Variants in CHCHD6 observed in about 807,000 individuals in gnomAD.
CHCHD6 encodes coiled-coil-helix-coiled-coil-helix domain containing 6, also known as MICOS complex subunit MIC25.
Under a neutral mutation model 32.3 loss-of-function variants are expected in CHCHD6, and 28 were observed. The ratio of observed to expected loss-of-function variants is 0.87; its 90% CI spans 0.64 to 1.19. The LOEUF (loss-of-function observed/expected upper bound fraction) is 1.19. Among genes scored for constraint, CHCHD6 ranks in the 50% most tolerant of loss-of-function variants. The pLI is 0.00. For synonymous variants in CHCHD6, 122 were observed against 117.5 expected, an observed-to-expected ratio of 1.04 and a Z score of -0.25; for missense variants, 333 against 307.0, an observed-to-expected ratio of 1.08 and a Z score of -0.63.
chr3:126,795,306 G>C (rs1484096319), intron 4 of CHCHD6, among the ~76,000 whole-genome samples: 1 of 152,218 alleles, frequency 6.6e-6, no homozygotes, highest in Non-Finnish European at 1.5e-5. Context: ...TGCATGAAAT[G>C]AGTTTAGTAA....
intron 1 of CHCHD6, among the ~76,000 whole-genome samples, chr3:126,711,432 G>A (rs1177300657): frequency 1.3e-5 from 2 of 152,180 alleles, no homozygotes; most frequent in Non-Finnish European, 2.9e-5. Context: ...CTTATGATAT[G>A]TTTTATATGA....
chr3:126,722,171 T>C (rs1559804156), intron 1 of CHCHD6, among the ~76,000 whole-genome samples: 1 of 152,238 alleles, frequency 6.6e-6, no homozygotes, highest in African/African-American at 2.4e-5. Context: ...TATTTATTTA[T>C]TTAGAAACAG....
intron 1 of CHCHD6, among the ~76,000 whole-genome samples, chr3:126,721,533 C>G (rs1053522917): frequency 6.6e-6 from 1 of 152,158 alleles, no homozygotes; most frequent in Admixed American, 6.5e-5. Context: ...GTCTGGGCTG[C>G]TTCTCTTTGT....
intron 6 of CHCHD6, among the ~76,000 whole-genome samples, chr3:126,943,203 G>A (rs758762086): frequency 6.6e-6 from 1 of 152,000 alleles, no homozygotes; most frequent in South Asian, 2.1e-4. Context: ...TCCTAATGAC[G>A]CCCCCCACTA....
At chr3:126,875,547 G>C (rs1005896696) in intron 5 of CHCHD6, among the ~76,000 whole-genome samples, 10 of 152,222 alleles carry the variant, frequency 6.6e-5, no homozygotes, top group African/African-American at 2.4e-4. Context: ...GAAAGAGCTG[G>C]AGAGAATTGG....
intron 6 of CHCHD6, among the ~76,000 whole-genome samples, chr3:126,949,058 T>C (rs1322431280): frequency 6.6e-6 from 1 of 152,206 alleles, no homozygotes; most frequent in Non-Finnish European, 1.5e-5. Context: ...GTCAGTGCAT[T>C]AATAGACAGT....
chr3:126,865,639 C>T (rs1559891611), intron 5 of CHCHD6: 1 of 985,296 alleles, frequency 1.0e-6, no homozygotes, highest in East Asian at 1.1e-4. Flanking sequence ...GCTGCCCCCT[C>T]TCCCACCGCT....
chr3:126,732,419 G>A lies in CHCHD6; in HGVS notation c.267-659G>A, dbSNP rs370826197. Reference sequence around the variant, plus strand: ...TTTATAAGCAGTTTTATTGCTAAAAGCATTTATTGGTTCTCAGTTTTTAGA... The same window carrying A: ...TTTATAAGCAGTTTTATTGCTAAAAACATTTATTGGTTCTCAGTTTTTAGA... On this transcript the variant is annotated intron_variant, in intron 3 of 7. Transcript: ENST00000290913. 4.5e-4 allele frequency among the ~76,000 whole-genome samples: 69 copies of A among 152,256 alleles called. 2 individuals carry two copies. In the South Asian group the frequency reaches 0.014, roughly 32 times the overall value.
chr3:126,789,021 G>A (rs900286770), intron 4 of CHCHD6, among the ~76,000 whole-genome samples: 4 of 152,096 alleles, frequency 2.6e-5, no homozygotes, highest in South Asian at 4.1e-4. Flanking sequence ...GGTGTGTTGT[G>A]TCTTTGTTCT....
chr3:126,956,787 A>G (rs2078792013), intron 6 of CHCHD6, among the ~76,000 whole-genome samples: 1 of 152,242 alleles, frequency 6.6e-6, no homozygotes, highest in Non-Finnish European at 1.5e-5. Context: ...GAAAGAAAAA[A>G]ATAGTAAATT....
chr3:126,765,207 C>G (rs1937318379), intron 4 of CHCHD6, among the ~76,000 whole-genome samples: 1 of 152,184 alleles, frequency 6.6e-6, no homozygotes, highest in Non-Finnish European at 1.5e-5. Flanking sequence ...AAGTTCTATT[C>G]TCATCTCCCC....
At chr3:126,749,061 G>A (rs1321111485) in intron 4 of CHCHD6, among the ~76,000 whole-genome samples, 1 of 152,184 alleles carries the variant, frequency 6.6e-6, no homozygotes, top group East Asian at 1.9e-4. Context: ...AATGAGGAGG[G>A]GGAGCTCTGC....
chr3:126,928,587 T>G (rs2078357679), intron 6 of CHCHD6, among the ~76,000 whole-genome samples: 1 of 152,218 alleles, frequency 6.6e-6, no homozygotes, highest in South Asian at 2.1e-4. Flanking sequence ...TGCCTATAAC[T>G]GTTGGTCACT....
At chr3:126,767,706 T>C (rs186579271) in intron 4 of CHCHD6, among the ~76,000 whole-genome samples, 24 of 152,326 alleles carry the variant, frequency 1.6e-4, no homozygotes, top group Non-Finnish European at 2.5e-4. Context: ...ATAATTAGCC[T>C]AGTACCCAAA....
chr3:126,767,224 AT>A, intron 4 of CHCHD6: 1 of 1,525,162 alleles, frequency 6.6e-7, no homozygotes, highest in South Asian at 1.1e-5. Context: ...TTGGCTGGCC[AT>A]TGTATATTAT....
chr3:126,907,921 A>G (rs1461982521), intron 5 of CHCHD6, among the ~76,000 whole-genome samples: 1 of 152,218 alleles, frequency 6.6e-6, no homozygotes, highest in Non-Finnish European at 1.5e-5. Context: ...CACTGTGTGG[A>G]AAGCCACCAG....
intron 4 of CHCHD6, among the ~76,000 whole-genome samples, chr3:126,821,184 T>C (rs1448727430): frequency 6.6e-6 from 1 of 152,246 alleles, no homozygotes; most frequent in Non-Finnish European, 1.5e-5. Flanking sequence ...CTGAATAATA[T>C]TCTGTTGTAT....
chr3:126,908,439 C>G (rs1352540901), intron 5 of CHCHD6, among the ~76,000 whole-genome samples: 3 of 152,212 alleles, frequency 2.0e-5, no homozygotes, highest in African/African-American at 7.2e-5. Context: ...TCTTGGTTGA[C>G]TCTATAAATA....
At chr3:126,862,221 C>T (rs1941931410) in intron 5 of CHCHD6, among the ~76,000 whole-genome samples, 1 of 124,416 alleles carries the variant, frequency 8.0e-6, no homozygotes. Context: ...TCATCACCAC[C>T]TCCTCCTCCT....
Sources: gnomAD v4.1 joint callset for allele counts (sites outside exome capture counted in the v4.1 genomes callset) on GRCh38, gnomAD v4.1.1 for gene constraint, MANE v1.5 for transcripts, NCBI Gene and HGNC (gene_info 2026-07-23, HGNC 2026-07-21) for gene names.